ACYP2: variants seen among roughly 807,000 people sequenced by gnomAD.
ACYP2 encodes acylphosphatase 2.
In ACYP2, 12 loss-of-function variants were observed where a neutral mutation model predicts 11.2. The ratio of observed to expected loss-of-function variants is 1.08; its 90% CI spans 0.69 to 1.74. The LOEUF is 1.74. Among genes scored for constraint, ACYP2 ranks in the 40% most tolerant of loss-of-function variants. ACYP2 has a pLI of 0.00. For missense variants in ACYP2, 134 were observed against 101.9 expected, an observed-to-expected ratio of 1.31 and a Z score of -1.35; for synonymous variants, 43 against 32.2, an observed-to-expected ratio of 1.33 and a Z score of -1.13.
At chr2:54,256,259 C>T (rs1466735703) in intron 6 of ACYP2, 6 of 1,315,786 alleles carry the variant, frequency 4.6e-6, no homozygotes, top group Non-Finnish European at 5.2e-6. Context: ...TTGCGCCGCC[C>T]ACTCTTCAGT....
At chr2:54,255,789 G>A (rs369987342) in intron 6 of ACYP2, 40 of 1,613,624 alleles carry the variant, frequency 2.5e-5, no homozygotes, top group Non-Finnish European at 2.0e-5. Context: ...CACCTAGGCC[G>A]TGCGTCTCTT....
chr2:54,190,603 G>C (rs978246250), intron 6 of ACYP2, among the ~76,000 whole-genome samples: 15 of 151,938 alleles, frequency 9.9e-5, no homozygotes, highest in African/African-American at 3.4e-4. Context: ...CTCTCTTACT[G>C]ACAGCCCGCC....
At chr2:54,299,591 CAAAAAAAA>C (rs1213298753) in intron 6 of ACYP2, among the ~76,000 whole-genome samples, 357 of 79,434 alleles carry the variant, frequency 4.5e-3, no homozygotes, top group Non-Finnish European at 7.3e-3. Context: ...GACTCTGTCT[CAAAAAAAA>C]AAAAAAAAAG....
chr2:54,019,113 T>G (rs938884989), intron 2 of ACYP2, among the ~76,000 whole-genome samples: 1 of 151,056 alleles, frequency 6.6e-6, no homozygotes, highest in African/African-American at 2.4e-5. Context: ...GTCACCCAAG[T>G]TGGAGTGCGG....
rs199728093 is a variant in ACYP2 at position 54,123,870 on chromosome 2, CG to C, written c.278-11581del. ...GTCTTGAAAGTCCCAACCAGTGATA[CG>C]GCTTACATTTCATTGGCCATCCCCA... is the stretch of plus-strand genomic sequence containing the variant. On this transcript the variant is annotated intron_variant, in intron 4 of 6. Coordinates refer to ENST00000607452, the MANE Select transcript of ACYP2 (RefSeq NM_001320586.2). Among the ~76,000 whole-genome samples, 842 of 152,276 alleles carry C rather than the reference CG, an allele frequency of 5.5e-3. 5 individuals are homozygous for C. The highest frequency in any genetic ancestry group is 0.019 in the African/African-American group (776 of 41,556).
chr2:54,105,510 G>A (rs1227541892), intron 4 of ACYP2, among the ~76,000 whole-genome samples: 7 of 151,836 alleles, frequency 4.6e-5, no homozygotes, highest in Middle Eastern at 3.4e-3. Context: ...GCAGGGTCTC[G>A]TTTTATTGCC....
intron 6 of ACYP2, among the ~76,000 whole-genome samples, chr2:54,199,466 C>A (rs1252208647): frequency 6.6e-6 from 1 of 152,192 alleles, no homozygotes; most frequent in Non-Finnish European, 1.5e-5. Context: ...CCCTGAACCA[C>A]TGCACAGGCT....
At chr2:53,993,681 A>T (rs1346551472) in intron 2 of ACYP2, among the ~76,000 whole-genome samples, 3 of 151,292 alleles carry the variant, frequency 2.0e-5, no homozygotes, top group East Asian at 3.9e-4. Context: ...TGAGCGACAG[A>T]GTGAGGGAAA....
chr2:54,132,820 C>T (rs953363877), intron 4 of ACYP2, among the ~76,000 whole-genome samples: 1 of 151,328 alleles, frequency 6.6e-6, no homozygotes, highest in African/African-American at 2.4e-5. Context: ...TCTTGGCTCA[C>T]CGAAACCTCC....
intron 4 of ACYP2, chr2:54,080,370 T>A (rs890012696): frequency 2.0e-5 from 3 of 152,258 alleles, no homozygotes; most frequent in African/African-American, 7.2e-5. Context: ...CTTTTTGGGA[T>A]GCAGTTTCTT....
chr2:53,983,263 T>C (rs778701725), intron 2 of ACYP2, among the ~76,000 whole-genome samples: 8 of 152,156 alleles, frequency 5.3e-5, no homozygotes, highest in Admixed American at 1.3e-4. Flanking sequence ...CCCAGCACTT[T>C]GGTAGACCAA....
intron 2 of ACYP2, chr2:53,973,903 A>G (rs181472043): frequency 0.026 from 1,705 of 65,914 alleles, 56 homozygotes; most frequent in East Asian, 0.042. Context: ...GTGTGTGTGT[A>G]TATATTTTTT....
At chr2:53,973,672 C>G (rs1039695452) in intron 1 of ACYP2, 3 of 229,426 alleles carry the variant, frequency 1.3e-5, no homozygotes, top group Non-Finnish European at 8.4e-6. Context: ...CCTATAAGAA[C>G]TAATGGTAAT....
At chr2:54,075,279 G>A (rs796410496) in intron 4 of ACYP2, among the ~76,000 whole-genome samples, 75 of 152,152 alleles carry the variant, frequency 4.9e-4, no homozygotes, top group African/African-American at 1.6e-3. Context: ...AGGGTAAATC[G>A]CTTCAGCTCA....
intron 4 of ACYP2, among the ~76,000 whole-genome samples, chr2:54,114,786 C>A (rs754607864): frequency 1.3e-5 from 2 of 152,082 alleles, no homozygotes; most frequent in Non-Finnish European, 2.9e-5. Context: ...TAAAAGACTT[C>A]ATATTTTTAA....
chr2:54,295,442 G>T (rs371487238), intron 6 of ACYP2, among the ~76,000 whole-genome samples: 4 of 152,096 alleles, frequency 2.6e-5, no homozygotes, highest in African/African-American at 7.2e-5. Context: ...AAATGTGAGG[G>T]TTTTGTTTTT....
intron 4 of ACYP2, among the ~76,000 whole-genome samples, chr2:54,058,399 G>A (rs1048368260): frequency 2.7e-5 from 4 of 150,932 alleles, no homozygotes; most frequent in African/African-American, 9.7e-5. Flanking sequence ...GATATAAAAT[G>A]CCTATCATTA....
rs557936699 is a variant in ACYP2 at position 54,177,559 on chromosome 2, C to T, written c.404+38811C>T. The stretch of plus-strand genomic sequence containing the variant: ...TATGCCATCTATTTCCTGGCAGGAC[C>T]AGGACTGATACCTACTATTTTTTTT... On this transcript the variant is annotated intron_variant, in intron 6 of 6. Transcript: ENST00000607452. 2.7e-3 allele frequency among the ~76,000 whole-genome samples: 355 copies of T among 129,954 alleles called. 4 individuals are homozygous for T. The highest frequency in any genetic ancestry group is 0.01 in the African/African-American group (255 of 24,298). The allele number at this position is 129,954 out of a possible 152,430, so 85.3% of individuals were successfully genotyped here.
At chr2:54,186,522 T>G (rs185148269) in intron 6 of ACYP2, among the ~76,000 whole-genome samples, 1 of 152,192 alleles carries the variant, frequency 6.6e-6, no homozygotes, top group Non-Finnish European at 1.5e-5. Flanking sequence ...GTTGTTGTTA[T>G]CGTTTTCAGA....
Sources: gnomAD v4.1 joint callset for allele counts (sites outside exome capture counted in the v4.1 genomes callset) on GRCh38, gnomAD v4.1.1 for gene constraint, MANE v1.5 for transcripts, NCBI Gene and HGNC (gene_info 2026-07-23, HGNC 2026-07-21) for gene names.